Variants in CCAR2 observed in about 807,000 individuals in gnomAD.
The protein encoded by CCAR2 is cell cycle and apoptosis regulator protein 2.
A neutral mutation model predicts 108.1 loss-of-function variants in CCAR2; 21 were observed. The observed-to-expected ratio is 0.19, with a 90% CI of 0.14 to 0.28. The LOEUF (loss-of-function observed/expected upper bound fraction) is 0.28, where lower values mean the gene tolerates loss of function less well. Among genes scored for constraint, CCAR2 ranks in the 10% least tolerant of loss-of-function variants. The pLI, the probability that CCAR2 is intolerant of heterozygous loss-of-function variation, is 1.00. For missense variants in CCAR2, 1,126 were observed against 1,177.0 expected (o/e 0.96, Z 0.63); for synonymous variants, 577 against 472.8 (o/e 1.22, Z -2.86).
At chr8:22,614,750 T>A in intron 10 of CCAR2, 88 bp from the exon 11 acceptor site, 1 of 1,572,020 alleles carries the variant, frequency 6.4e-7, no homozygotes, top group Non-Finnish European at 8.7e-7. Flanking sequence ...TCCGGCTGCC[T>A]TCATCCTGAT....
At chr8:22,621,497 G>A (rs187678910), downstream of CCAR2, 190 of 1,613,946 alleles carry the variant, frequency 1.2e-4, no homozygotes, top group East Asian at 1.1e-3. Flanking sequence ...GCTGCTCATC[G>A]GAGTGGCCTG....
chr8:22,606,760 G>A (rs1563904310), intron 4 of CCAR2, 62 bp downstream of exon 4: 7 of 1,487,476 alleles, frequency 4.7e-6, no homozygotes, highest in East Asian at 2.3e-5. Context: ...TCACCATGCT[G>A]GTATTGCCCC....
At position 22,618,469 on chromosome 8, in the gene CCAR2, C is replaced by T. The variant is rs1166915924; in HGVS notation, c.2194C>T (p.Leu732Phe). The T allele has an allele frequency of 1.2e-6, 2 of 1,614,110 alleles. No individual in the cohort carries two copies. The highest frequency in any genetic ancestry group is 2.7e-5 in the African/African-American group (2 of 74,944). The change falls in exon 17 of 21, where the codon CTT becomes TTT. Residue 732 changes from leucine to phenylalanine, a missense_variant. By Grantham distance (22) the Leu-to-Phe change is conservative (BLOSUM62 0). Transcript: ENST00000308511. ...RRDLERILLT[L>F]GIRLSAEQAK... ...AGACTTAGAGAGGATCCTCCTTACC[C>T]TTGGGATCCGGCTCAGTGCAGAGCA...
chr8:22,619,805 C>T lies in CCAR2; in HGVS notation c.*123C>T. The T allele has an allele frequency of 9.7e-7, 1 of 1,031,790 alleles. No individual in the cohort carries two copies. Among genetic ancestry groups the T allele is most frequent in the East Asian group, 2.6e-5 (1 of 38,432 alleles). The allele number at this position is 1,031,790 out of a possible 1,614,324, so 63.9% of individuals were successfully genotyped here. A position where few individuals can be genotyped will look rare whatever the true frequency, so the allele number is the denominator to read the frequency against. ...GAGCCAGGGCAGGGGTGGCTGACCC[C>T]ATGCTCAGCCTCTAGGGGACGGCAG... On this transcript the variant is annotated 3_prime_UTR_variant, in exon 21 of 21. Coordinates refer to ENST00000308511, the MANE Select transcript of CCAR2 (RefSeq NM_001393997.1).
Position 22,619,760 on chromosome 8 carries a change from G to A in CCAR2, c.*78G>A, listed in dbSNP as rs1432632068. ...GTTGGAGCCCTTGCGGTACCAGAAA[G>A]CAGCGAGAGCGAGACCTGGGAGCCA... On this transcript the variant is annotated 3_prime_UTR_variant, in exon 21 of 21. Transcript: ENST00000308511. The A allele has an allele frequency of 1.4e-6, 2 of 1,479,940 alleles. No homozygotes were observed. The highest frequency in any genetic ancestry group is 1.2e-5 in the South Asian group (1 of 82,688). The allele number at this position is 1,479,940 out of a possible 1,614,324, so 91.7% of individuals were successfully genotyped here.
rs561188685 is a variant in CCAR2, at chr8:22,617,500, C to T, written c.1926C>T (p.Asp642=). The T allele has an allele frequency of 6.2e-7, 1 of 1,606,732 alleles. No individual in the cohort carries two copies. Among genetic ancestry groups the T allele is most frequent in the Admixed American group, 1.7e-5 (1 of 58,594 alleles). ...EEKPRGEASE[D]LCEMALDPEL... is the part of the protein sequence containing the mutation. ...AACCCCGGGGCGAGGCTTCTGAGGA[C>T]CTGTGTGAGATGGCCCTGGACCCAG... The change falls in exon 15 of 21, where the codon GAC becomes GAT. Residue 642 remains aspartate, a synonymous_variant. Coordinates refer to ENST00000308511, the MANE Select transcript of CCAR2 (RefSeq NM_001393997.1).
At chr8:22,620,995 G>A (rs1240535774), downstream of CCAR2, 1 of 158,594 alleles carries the variant, frequency 6.3e-6, no homozygotes, top group Non-Finnish European at 1.4e-5. Context: ...CCAGAAAAAA[G>A]AGGTTTTGAA....
chr8:22,606,633 T>A lies in CCAR2; in HGVS notation c.177T>A (p.Thr59=). ...GTGGGGAGAAACAGCGGGTCTTCAC[T>A]GGTATTGTTACCAGCTTGCATGACT... ...LQGGEKQRVF[T]GIVTSLHDYF... Residue 59 remains threonine, a synonymous_variant, in exon 4 of 21, where the codon ACT becomes ACA. Transcript: ENST00000308511. 5 of 1,614,190 alleles carry A rather than the reference T, an allele frequency of 3.1e-6. No individual in the cohort carries two copies. Among genetic ancestry groups the A allele is most frequent in the Non-Finnish European group, 4.2e-6 (5 of 1,180,004 alleles).
chr8:22,607,367 G>T (rs376335590), intron 6 of CCAR2, 42 bp downstream of exon 6: 13 of 1,600,572 alleles, frequency 8.1e-6, no homozygotes, highest in Non-Finnish European at 1.1e-5. Flanking sequence ...GCATTATGGG[G>T]TAGTTTAGAT....
In CCAR2 at chr8:22,618,904, T is replaced by A. The variant is rs752730475; in HGVS notation, c.2410T>A (p.Ser804Thr). The change falls in exon 19 of 21, where the codon TCC becomes ACC. Residue 804 changes from serine (S) to threonine (T), a missense_variant. Physicochemically the swap from Ser to Thr is moderately conservative, Grantham distance 58 (BLOSUM62 1). Transcript: ENST00000308511. ...CCCCACAGAACACAAAGCCTTGGTG[T>A]CCCACAATGGCAGCCTGATTAACGT... ...AAPTEHKALV[S>T]HNGSLINVGS... 6.2e-7 allele frequency: 1 copy of A among 1,613,894 alleles called. No individual in the cohort carries two copies. Among genetic ancestry groups the A allele is most frequent in the Non-Finnish European group, 8.5e-7 (1 of 1,180,040 alleles).
Position 22,617,464 on chromosome 8 carries a change from G to A in CCAR2, c.1890G>A (p.Glu630=), listed in dbSNP as rs1239537767. 7 of 1,600,452 alleles carry A rather than the reference G, an allele frequency of 4.4e-6. No homozygotes were observed. Among genetic ancestry groups the A allele is most frequent in the Non-Finnish European group, 6.0e-6 (7 of 1,173,764 alleles). ...LLPKPLSSGG[E]EEEKPRGEAS... Reference sequence around the variant, plus strand: ...CCAAACCACTCTCTTCTGGGGGAGAGGAAGAAGAAAAACCCCGGGGCGAGG... The same window carrying A: ...CCAAACCACTCTCTTCTGGGGGAGAAGAAGAAGAAAAACCCCGGGGCGAGG... Residue 630 remains glutamate, a synonymous_variant, in exon 15 of 21, where the codon GAG becomes GAA. Coordinates refer to ENST00000308511, the MANE Select transcript of CCAR2 (RefSeq NM_001393997.1).
At position 22,604,767 on chromosome 8, in the gene CCAR2, C is replaced by G. The variant is rs1251149648; in HGVS notation, c.-114C>G. 1 of 456,078 alleles carries G rather than the reference C, an allele frequency of 2.2e-6. No individual in the cohort carries two copies. The highest frequency in any genetic ancestry group is 2.0e-5 in the African/African-American group (1 of 50,066). The allele number at this position is 456,078 out of a possible 1,614,324, so 28.3% of individuals were successfully genotyped here. A position where few individuals can be genotyped will look rare whatever the true frequency, so the allele number is the denominator to read the frequency against. On this transcript the variant is annotated 5_prime_UTR_variant, in exon 1 of 21. Coordinates refer to ENST00000308511, the MANE Select transcript of CCAR2 (RefSeq NM_001393997.1). The stretch of plus-strand genomic sequence containing the variant: ...TGGTCGCGCTTCCGGAGAGGCGCTT[C>G]CGGTGGCGGCGGCAGCAGCGGCTGT...
In CCAR2 at chr8:22,619,267, G is replaced by T. The variant is rs200419699; in HGVS notation, c.2639G>T (p.Arg880Leu). ...GAGGAGACCGCCCGGACGGCGGAGC[G>T]ACAGAAGAGCCAGCTCCAGCGGCTG... The part of the protein sequence containing the change: ...EAEETARTAE[R>L]QKSQLQRLLQ... The change falls in exon 20 of 21, where the codon CGA becomes CTA. Residue 880 changes from arginine (R) to leucine (L), a missense_variant. Transcript: ENST00000308511. The T allele has an allele frequency of 6.4e-7, 1 of 1,564,954 alleles. No homozygotes were observed. Among genetic ancestry groups the T allele is most frequent in the South Asian group, 1.2e-5 (1 of 85,402 alleles).
intron 8 of CCAR2, 123 bp from the exon 9 acceptor site, chr8:22,613,969 G>T: frequency 1.3e-6 from 1 of 753,590 alleles, no homozygotes; most frequent in East Asian, 2.7e-5. Context: ...TCCTTGAGAG[G>T]TGCCTTACTT....
At chr8:22,621,328 G>A, downstream of CCAR2, 1 of 1,472,208 alleles carries the variant, frequency 6.8e-7, no homozygotes, top group Non-Finnish European at 9.1e-7. Flanking sequence ...GGCCACCTCT[G>A]TCCCCAGCCT....
chr8:22,609,576 C>T (rs1035370452), intron 7 of CCAR2, among the ~76,000 whole-genome samples: 8 of 152,146 alleles, frequency 5.3e-5, no homozygotes, highest in Non-Finnish European at 7.3e-5. Context: ...TATATCCAGT[C>T]GCTGGTATAT....
chr8:22,607,095 C>CA lies in CCAR2; in HGVS notation c.357+75dup. On this transcript the variant is annotated intron_variant, in intron 5 of 20. Transcript: ENST00000308511. ...AAGCCCCTGTGCCCTGACAGCTGGGCAAAACCCTGACTTTTGTCAGGGGGG... is the reference window on the plus strand; with the variant it reads ...AAGCCCCTGTGCCCTGACAGCTGGGCAAAAACCCTGACTTTTGTCAGGGGGG... The CA allele has an allele frequency of 2.5e-6, 4 of 1,608,378 alleles. No homozygotes were observed. The South Asian group carries it at 4.4e-5, about 18-fold the overall frequency.
At chr8:22,621,339 G>C, downstream of CCAR2, 1 of 1,503,370 alleles carries the variant, frequency 6.7e-7, no homozygotes, top group Admixed American at 2.0e-5. Flanking sequence ...TCCCCAGCCT[G>C]TGAGAGGAGC....
chr8:22,615,438 G>C lies in CCAR2; in HGVS notation c.1219G>C (p.Glu407Gln). 2 of 1,613,516 alleles carry C rather than the reference G, an allele frequency of 1.2e-6. No homozygotes were observed. The highest frequency in any genetic ancestry group is 1.7e-6 in the Non-Finnish European group (2 of 1,179,812). ...TGCCATGTGCAGGTGGCGCTTTGCC[G>C]AGTTTCAGTACCTGCAGCCGGGACC... is the stretch of plus-strand genomic sequence containing the variant. Reference protein sequence around the residue: ...SGCTKWWRFAEFQYLQPGPPR... With the variant: ...SGCTKWWRFAQFQYLQPGPPR... The change falls in exon 12 of 21, where the codon GAG (glutamate) becomes CAG (glutamine). Residue 407 changes from glutamate to glutamine, a missense_variant. By Grantham distance (29) the Glu-to-Gln change is conservative. This residue lies in a region of CCAR2 where 1,013 missense variants were observed against 993.9 expected (regional missense o/e 1.02). Coordinates refer to ENST00000308511, the MANE Select transcript of CCAR2 (RefSeq NM_001393997.1).
Sources: allele counts gnomAD v4.1 joint callset (sites outside exome capture counted in the v4.1 genomes callset), GRCh38; gene constraint gnomAD v4.1.1; regional missense constraint gnomAD v4.1.1; transcripts MANE v1.5; gene names NCBI Gene and HGNC (gene_info 2026-07-23, HGNC 2026-07-21).